Variants in KCNH8 observed in about 807,000 individuals in gnomAD.
KCNH8 encodes voltage-gated delayed rectifier potassium channel KCNH8.
In KCNH8, 70 loss-of-function variants were observed where a neutral mutation model predicts 103.6. The observed-to-expected ratio is 0.68, with a 90% CI of 0.56 to 0.82. The LOEUF (loss-of-function observed/expected upper bound fraction) is 0.82. KCNH8 is among the 40% of genes least tolerant of loss of function. The pLI is 0.00. For missense variants in KCNH8, 1,217 were observed against 1,329.9 expected, an observed-to-expected ratio of 0.92 and a Z score of 1.32; for synonymous variants, 498 against 489.4, an observed-to-expected ratio of 1.02 and a Z score of -0.23.
chr3:19,433,657 A>C (rs1258293624), intron 7 of KCNH8, among the ~76,000 whole-genome samples: 1 of 152,204 alleles, frequency 6.6e-6, no homozygotes, highest in East Asian at 1.9e-4. Context: ...CTTTTGTTTC[A>C]GGTGTTTATC....
intron 3 of KCNH8, among the ~76,000 whole-genome samples, chr3:19,291,255 C>T (rs1487900300): frequency 6.6e-6 from 1 of 152,120 alleles, no homozygotes; most frequent in Non-Finnish European, 1.5e-5. Flanking sequence ...CAGTTCTACT[C>T]TGATCTTAGT....
chr3:19,223,446 T>C (rs1351668819), intron 1 of KCNH8, among the ~76,000 whole-genome samples: 1 of 152,180 alleles, frequency 6.6e-6, no homozygotes, highest in Non-Finnish European at 1.5e-5. Flanking sequence ...TGGGGACATA[T>C]TACATATTTT....
chr3:19,255,387 A>G (rs560495456), intron 2 of KCNH8, among the ~76,000 whole-genome samples: 3 of 152,270 alleles, frequency 2.0e-5, no homozygotes, highest in African/African-American at 7.2e-5. Flanking sequence ...GGTTTTCTAG[A>G]TATAAGATCA....
intron 1 of KCNH8, among the ~76,000 whole-genome samples, chr3:19,235,894 A>G (rs2064058709): frequency 6.6e-6 from 1 of 152,244 alleles, no homozygotes; most frequent in Non-Finnish European, 1.5e-5. Flanking sequence ...AGATTTGATT[A>G]TCCTTACTTG....
chr3:19,424,285 TGA>T (rs2066993629), intron 7 of KCNH8, among the ~76,000 whole-genome samples: 1 of 151,998 alleles, frequency 6.6e-6, no homozygotes, highest in African/African-American at 2.4e-5. Flanking sequence ...GGAACAGAAT[TGA>T]GATCCCAGAA....
chr3:19,352,653 A>G (rs974616691), intron 5 of KCNH8, among the ~76,000 whole-genome samples: 26 of 152,234 alleles, frequency 1.7e-4, no homozygotes, highest in Non-Finnish European at 1.2e-4. Context: ...TAACGAAATG[A>G]AGGCAGAAAT....
chr3:19,317,683 A>G (rs1157814526), intron 3 of KCNH8, among the ~76,000 whole-genome samples: 2 of 152,050 alleles, frequency 1.3e-5, no homozygotes, highest in African/African-American at 4.8e-5. Context: ...ATGCAAATCA[A>G]TAAATATGAT....
intron 1 of KCNH8, among the ~76,000 whole-genome samples, chr3:19,194,806 G>C (rs189123225): frequency 6.6e-6 from 1 of 151,706 alleles, no homozygotes; most frequent in East Asian, 1.9e-4. Context: ...AGAGAAGGTC[G>C]TAATACAGTG....
chr3:19,495,135 C>A (rs990130378), intron 11 of KCNH8, among the ~76,000 whole-genome samples: 1 of 152,104 alleles, frequency 6.6e-6, no homozygotes, highest in East Asian at 1.9e-4. Context: ...AATATTTTCT[C>A]CCATTCCGTA....
intron 7 of KCNH8, among the ~76,000 whole-genome samples, chr3:19,433,026 T>G (rs1387368747): frequency 6.6e-6 from 1 of 152,142 alleles, no homozygotes; most frequent in African/African-American, 2.4e-5. Flanking sequence ...GGTTTTTTTG[T>G]ACACATGATG....
chr3:19,426,628 G>A (rs2125161817), intron 7 of KCNH8, among the ~76,000 whole-genome samples: 1 of 151,640 alleles, frequency 6.6e-6, no homozygotes, highest in Admixed American at 6.6e-5. Flanking sequence ...AATGTTGTGA[G>A]TTTAAATATT....
intron 15 of KCNH8, among the ~76,000 whole-genome samples, chr3:19,532,323 G>A (rs556043724): frequency 5.9e-5 from 9 of 152,266 alleles, no homozygotes; most frequent in East Asian, 1.9e-4. Context: ...TCACTGATGC[G>A]TTCCAGGACT....
intron 3 of KCNH8, among the ~76,000 whole-genome samples, chr3:19,313,904 T>C (rs1316977648): frequency 6.6e-6 from 1 of 151,860 alleles, no homozygotes; most frequent in African/African-American, 2.4e-5. Flanking sequence ...CTTAAATGGT[T>C]TGATTTTCAT....
chr3:19,238,484 A>G (rs1360320571), intron 1 of KCNH8, among the ~76,000 whole-genome samples: 1 of 152,202 alleles, frequency 6.6e-6, no homozygotes, highest in East Asian at 1.9e-4. Flanking sequence ...TTGTTTTTGC[A>G]GACACTTGCA....
At chr3:19,199,059 A>G (rs1280381653) in intron 1 of KCNH8, among the ~76,000 whole-genome samples, 1 of 152,158 alleles carries the variant, frequency 6.6e-6, no homozygotes. Context: ...ATGGAAGAAC[A>G]TTATAAAATA....
chr3:19,510,884 A>C (rs1017413171), intron 12 of KCNH8, among the ~76,000 whole-genome samples: 3 of 152,244 alleles, frequency 2.0e-5, no homozygotes, highest in Non-Finnish European at 2.9e-5. Flanking sequence ...GACTTTTATT[A>C]CCAATAATCC....
chr3:19,227,698 G>C (rs187470273), intron 1 of KCNH8, among the ~76,000 whole-genome samples: 1 of 152,168 alleles, frequency 6.6e-6, no homozygotes, highest in Non-Finnish European at 1.5e-5. Flanking sequence ...TATAGATTCA[G>C]GGAAACACTC....
chr3:19,272,199 C>T (rs559555048), intron 2 of KCNH8, among the ~76,000 whole-genome samples: 2 of 152,048 alleles, frequency 1.3e-5, no homozygotes, highest in Admixed American at 1.3e-4. Flanking sequence ...CCCATTCCTC[C>T]AGTGAGGGTT....
chr3:19,205,814 T>A (rs1371857071), intron 1 of KCNH8, among the ~76,000 whole-genome samples: 1 of 151,944 alleles, frequency 6.6e-6, no homozygotes, highest in African/African-American at 2.4e-5. Flanking sequence ...GGGAAATTAT[T>A]ATTTATTTTT....
Sources: gnomAD v4.1 joint callset for allele counts (sites outside exome capture counted in the v4.1 genomes callset) on GRCh38, gnomAD v4.1.1 for gene constraint, MANE v1.5 for transcripts, NCBI Gene and HGNC (gene_info 2026-07-23, HGNC 2026-07-21) for gene names.